The following RELL1 variants were observed in gnomAD, a reference collection of about 807,000 sequenced individuals.
RELL1 encodes the protein RELT-like protein 1.
RELL1 carries 10 observed loss-of-function variants against 23.0 expected under a neutral mutation model. That is an observed-to-expected ratio of 0.43 (90% CI 0.27 to 0.74). RELL1 has a LOEUF of 0.74. Ranked by LOEUF, RELL1 falls within the 30% of genes least tolerant of loss-of-function variation. RELL1 has a pLI of 0.19. For synonymous variants in RELL1, 146 were observed against 146.8 expected (o/e 0.99, Z 0.04); for missense variants, 315 against 364.4 (o/e 0.86, Z 1.10).
At chr4:37,673,044 A>T (rs1300561360) in intron 1 of RELL1, among the ~76,000 whole-genome samples, 1 of 152,164 alleles carries the variant, frequency 6.6e-6, no homozygotes, top group Admixed American at 6.5e-5. Context: ...GTAATCAAGA[A>T]TTCAATAGAC....
intron 1 of RELL1, among the ~76,000 whole-genome samples, chr4:37,653,927 C>T (rs755551574): frequency 5.3e-5 from 8 of 152,198 alleles, no homozygotes; most frequent in Non-Finnish European, 8.8e-5. Context: ...CTCCATGGGG[C>T]ATCAGAGCTG....
chr4:37,619,471 G>A (rs550588386), intron 6 of RELL1, among the ~76,000 whole-genome samples: 6 of 151,760 alleles, frequency 4.0e-5, no homozygotes, highest in Admixed American at 1.3e-4. Flanking sequence ...GTGAGCCACC[G>A]CACCCAGCCC....
rs970776308 is a variant in RELL1 at position 37,686,292 on chromosome 4, G to A, written c.-5C>T. 6.6e-7 allele frequency: 1 copy of A among 1,509,188 alleles called. No individual in the cohort carries two copies. Among genetic ancestry groups the A allele is most frequent in the Non-Finnish European group, 8.8e-7 (1 of 1,135,254 alleles). The allele number at this position is 1,509,188 out of a possible 1,614,324, so 93.5% of individuals were successfully genotyped here. ...CGGGAGTGCCCGCGGAGCCATCGCC[G>A]CGTCGCTTCGCCCTCCTCCCCCAGG... On this transcript the variant is annotated 5_prime_UTR_variant, in exon 1 of 7. Coordinates refer to ENST00000454158, the MANE Select transcript of RELL1 (RefSeq NM_001085400.2).
At chr4:37,606,397 AT>A (rs1275494261), downstream of RELL1, among the ~76,000 whole-genome samples, 1 of 152,180 alleles carries the variant, frequency 6.6e-6, no homozygotes, top group Non-Finnish European at 1.5e-5. The surrounding 1 kb of genome is among the most constrained non-coding windows in gnomAD (Gnocchi z 4.1). Flanking sequence ...GTTGAATGAT[AT>A]CCCCCACAAG....
At chr4:37,588,980 C>A, downstream of RELL1, 2 of 1,030,846 alleles carry the variant, frequency 1.9e-6, no homozygotes, top group Non-Finnish European at 1.5e-6. Flanking sequence ...TGCGTGTATT[C>A]AGTGCATTTA....
chr4:37,616,222 G>T (rs982173442), intron 6 of RELL1, among the ~76,000 whole-genome samples: 31 of 152,174 alleles, frequency 2.0e-4, no homozygotes, highest in African/African-American at 7.2e-4. Flanking sequence ...ATAAGTCAAT[G>T]ATTCCTATTT....
At chr4:37,663,250 C>T (rs1721416665) in intron 1 of RELL1, among the ~76,000 whole-genome samples, 1 of 152,140 alleles carries the variant, frequency 6.6e-6, no homozygotes, top group Non-Finnish European at 1.5e-5. Flanking sequence ...GGGGACTTTT[C>T]CAAAGTCTTT....
At chr4:37,656,199 GACA>G (rs1295500561) in intron 1 of RELL1, among the ~76,000 whole-genome samples, 1 of 152,146 alleles carries the variant, frequency 6.6e-6, no homozygotes, top group Non-Finnish European at 1.5e-5. Flanking sequence ...TGCCAAATGT[GACA>G]ACATGGGTAA....
intron 6 of RELL1, among the ~76,000 whole-genome samples, chr4:37,619,159 G>A (rs1005094141): frequency 2.0e-5 from 3 of 151,366 alleles, no homozygotes; most frequent in East Asian, 1.9e-4. Flanking sequence ...GATCACAGGC[G>A]TGAGCCACTG....
chr4:37,660,165 G>A (rs1414371863), intron 1 of RELL1, among the ~76,000 whole-genome samples: 1 of 151,958 alleles, frequency 6.6e-6, no homozygotes, highest in Non-Finnish European at 1.5e-5. Context: ...TACCAAGATG[G>A]CTAAATGTCT....
chr4:37,670,720 G>A (rs1490823777), intron 1 of RELL1, among the ~76,000 whole-genome samples: 1 of 151,882 alleles, frequency 6.6e-6, no homozygotes, highest in African/African-American at 2.4e-5. Flanking sequence ...ACAGGCACGT[G>A]CCACCATGCC....
At chr4:37,615,887 C>T (rs1053164387) in intron 6 of RELL1, among the ~76,000 whole-genome samples, 2 of 152,070 alleles carry the variant, frequency 1.3e-5, no homozygotes, top group African/African-American at 2.4e-5. Context: ...CCATAATCCT[C>T]TCATTATACT....
At chr4:37,684,395 A>G (rs1722330351) in intron 1 of RELL1, among the ~76,000 whole-genome samples, 1 of 151,814 alleles carries the variant, frequency 6.6e-6, no homozygotes, top group Non-Finnish European at 1.5e-5. Context: ...AGCTTTCATC[A>G]GTCACATTCT....
rs570588044 is a variant in RELL1 at position 37,626,120 on chromosome 4, T to C, written c.*3+5265A>G. Among the ~76,000 whole-genome samples, 5 of 152,298 alleles carry C rather than the reference T, an allele frequency of 3.3e-5. No individual in the cohort carries two copies. The South Asian group carries it at 1.0e-3, about 32-fold the overall frequency. Reference sequence around the variant, plus strand: ...ATGTGGAGAAAAAGAAATTCTTGCATACTGTTAGTGGGAATATACATTATT... The same window carrying C: ...ATGTGGAGAAAAAGAAATTCTTGCACACTGTTAGTGGGAATATACATTATT... On this transcript the variant is annotated intron_variant, in intron 6 of 6. Coordinates refer to ENST00000454158, the MANE Select transcript of RELL1 (RefSeq NM_001085400.2).
intron 1 of RELL1, among the ~76,000 whole-genome samples, chr4:37,682,219 A>G (rs1459266280): frequency 6.6e-6 from 1 of 152,208 alleles, no homozygotes; most frequent in East Asian, 1.9e-4. Context: ...CTTTTTCCTA[A>G]AAGAGTAAAG....
At chr4:37,685,513 G>A (rs1722373357) in intron 1 of RELL1, among the ~76,000 whole-genome samples, 2 of 152,154 alleles carry the variant, frequency 1.3e-5, no homozygotes, top group Non-Finnish European at 2.9e-5. Context: ...TGACACTTTA[G>A]CATCTCTGTT....
At chr4:37,644,875 A>G (rs1156642025) in intron 3 of RELL1, among the ~76,000 whole-genome samples, 2 of 152,178 alleles carry the variant, frequency 1.3e-5, no homozygotes, top group Non-Finnish European at 2.9e-5. Flanking sequence ...TGCCACCTGG[A>G]CAGAGGTACT....
downstream of RELL1, among the ~76,000 whole-genome samples, chr4:37,605,843 G>T (rs1719192603): frequency 2.3e-5 from 2 of 87,428 alleles, no homozygotes; most frequent in Non-Finnish European, 6.1e-5. Flanking sequence ...AAGAAAGAAA[G>T]AAGGAAAAGA....
intron 1 of RELL1, among the ~76,000 whole-genome samples, chr4:37,650,802 T>C (rs1329180388): frequency 2.0e-5 from 2 of 97,574 alleles, no homozygotes; most frequent in Admixed American, 1.4e-4. Flanking sequence ...AGAACATACT[T>C]TGGGAGGCTG....
Sources: gnomAD v4.1 joint callset for allele counts (sites outside exome capture counted in the v4.1 genomes callset) on GRCh38, gnomAD v4.1.1 for gene constraint, Gnocchi (gnomAD v3.1) non-coding constraint, MANE v1.5 for transcripts, NCBI Gene and HGNC (gene_info 2026-07-23, HGNC 2026-07-21) for gene names.